Variants in GABRA2 observed in about 807,000 individuals in gnomAD.
GABRA2 encodes the protein gamma-aminobutyric acid receptor subunit alpha-2.
GABRA2 carries 16 observed loss-of-function variants against 48.7 expected under a neutral mutation model. The observed-to-expected ratio is 0.33, with a 90% CI of 0.22 to 0.50. The LOEUF (loss-of-function observed/expected upper bound fraction) is 0.50. Among genes scored for constraint, GABRA2 ranks in the 20% least tolerant of loss-of-function variants. GABRA2 has a pLI of 0.98. For missense variants in GABRA2, 275 were observed against 535.6 expected, an observed-to-expected ratio of 0.51 and a Z score of 4.80; for synonymous variants, 185 against 184.5, an observed-to-expected ratio of 1.00 and a Z score of -0.02.
chr4:46,298,136 T>C (rs371460280), intron 8 of GABRA2, among the ~76,000 whole-genome samples: 18 of 152,252 alleles, frequency 1.2e-4, no homozygotes, highest in African/African-American at 4.3e-4. Context: ...TATTGAGAAT[T>C]CCTTATAGCC....
At chr4:46,308,612 A>G (rs920752186) in intron 6 of GABRA2, among the ~76,000 whole-genome samples, 27 of 152,318 alleles carry the variant, frequency 1.8e-4, no homozygotes, top group African/African-American at 5.8e-4. Flanking sequence ...CAGAAAATAA[A>G]TGTGAAGAAA....
At position 46,263,802 on chromosome 4, in the gene GABRA2, A is replaced by C. The variant is rs140545323; in HGVS notation, c.857-1674T>G. ...CATCTTTGCAAAAAAGGTAATTGGAATTTTAATAGGCATTTCATTGAATCT... is the reference window on the plus strand; with the variant it reads ...CATCTTTGCAAAAAAGGTAATTGGACTTTTAATAGGCATTTCATTGAATCT... On this transcript the variant is annotated intron_variant, in intron 8 of 9. Transcript: ENST00000381620. Among the ~76,000 whole-genome samples the C allele has an allele frequency of 2.7e-3, 416 of 152,066 alleles. 5 individuals carry two copies. The highest frequency in any genetic ancestry group is 9.7e-3 in the African/African-American group (402 of 41,504).
intron 8 of GABRA2, among the ~76,000 whole-genome samples, chr4:46,302,993 A>G (rs1726008286): frequency 6.6e-6 from 1 of 152,130 alleles, no homozygotes; most frequent in Admixed American, 6.5e-5. Context: ...TGTAATGGTG[A>G]CTAGAACACA....
intron 8 of GABRA2, among the ~76,000 whole-genome samples, chr4:46,284,255 C>T (rs1722103604): frequency 6.6e-6 from 1 of 151,920 alleles, no homozygotes; most frequent in Non-Finnish European, 1.5e-5. Context: ...GTTCAGAAGC[C>T]ATAACTTCAC....
intron 8 of GABRA2, among the ~76,000 whole-genome samples, chr4:46,273,542 AG>A (rs1222137345): frequency 1.4e-4 from 20 of 138,828 alleles, no homozygotes; most frequent in African/African-American, 5.2e-4. Flanking sequence ...TATATGAGAG[AG>A]AGAGGGATAC....
At chr4:46,336,352 G>A (rs908075939) in intron 3 of GABRA2, among the ~76,000 whole-genome samples, 1 of 152,152 alleles carries the variant, frequency 6.6e-6, no homozygotes, top group African/African-American at 2.4e-5. Flanking sequence ...TTCCAGTGAA[G>A]TAACAAAGCT....
chr4:46,252,716 A>G (rs1480311894), intron 9 of GABRA2, among the ~76,000 whole-genome samples: 1 of 151,456 alleles, frequency 6.6e-6, no homozygotes. Flanking sequence ...GGGCTTTTCA[A>G]CTTATAATGT....
intron 3 of GABRA2, chr4:46,364,249 C>T (rs1443913132): frequency 6.6e-6 from 1 of 152,118 alleles, no homozygotes; most frequent in Non-Finnish European, 1.5e-5. Context: ...GCTTATAATG[C>T]CTATCTTACA....
Position 46,331,351 on chromosome 4 carries a change from A to G in GABRA2, c.255+1264T>C, listed in dbSNP as rs1731321309. On this transcript the variant is annotated intron_variant, in intron 4 of 9. Coordinates refer to ENST00000381620, the MANE Select transcript of GABRA2 (RefSeq NM_000807.4). ...CAAGATAAGAAATCTCTGAGGTCAG[A>G]GGTGTGGCTCTGATGGAATAAACAG... Among the ~76,000 whole-genome samples the G allele has an allele frequency of 2.6e-5, 4 of 152,274 alleles. No individual in the cohort carries two copies. In the South Asian group the frequency reaches 8.3e-4, roughly 32 times the overall value.
chr4:46,378,029 G>A (rs1187789933), intron 3 of GABRA2, among the ~76,000 whole-genome samples: 10 of 128,426 alleles, frequency 7.8e-5, no homozygotes, highest in Non-Finnish European at 3.4e-5. Flanking sequence ...GTCCGGGAGG[G>A]AGGTGGGGGG....
At chr4:46,265,989 T>A (rs896108231) in intron 8 of GABRA2, among the ~76,000 whole-genome samples, 1 of 151,960 alleles carries the variant, frequency 6.6e-6, no homozygotes, top group Admixed American at 6.6e-5. Flanking sequence ...TTGTCTTTTT[T>A]ATTGATTTCT....
chr4:46,345,996 C>T (rs923719548), intron 3 of GABRA2, among the ~76,000 whole-genome samples: 15 of 151,888 alleles, frequency 9.9e-5, no homozygotes, highest in Admixed American at 9.9e-4. Flanking sequence ...AATAATTTTG[C>T]TCATCTTGTA....
rs1379187356 is a variant in GABRA2, at chr4:46,247,300, C to G, written c.*3008G>C. Among the ~76,000 whole-genome samples the G allele has an allele frequency of 6.6e-6, 1 of 151,004 alleles. No individual in the cohort carries two copies. The highest frequency in any genetic ancestry group is 2.0e-4 in the East Asian group (1 of 5,104). ...AGAAAAGAGAAAAACAGCCACCTAT[C>G]CTAGCACACTAGTGGCATCATAGCT... On this transcript the variant is annotated 3_prime_UTR_variant, in exon 10 of 10. Coordinates refer to ENST00000381620, the MANE Select transcript of GABRA2 (RefSeq NM_000807.4).
chr4:46,287,187 A>G (rs1722715251), intron 8 of GABRA2, among the ~76,000 whole-genome samples: 1 of 152,160 alleles, frequency 6.6e-6, no homozygotes, highest in Admixed American at 6.6e-5. Context: ...TTATCTGGCT[A>G]TAACAGCATC....
intron 8 of GABRA2, among the ~76,000 whole-genome samples, chr4:46,283,278 C>T (rs1485483132): frequency 1.3e-5 from 2 of 152,036 alleles, no homozygotes; most frequent in Non-Finnish European, 2.9e-5. Context: ...AGTCTTTTAC[C>T]CTTCCTCATT....
At chr4:46,361,786 A>T (rs1713232936) in intron 3 of GABRA2, among the ~76,000 whole-genome samples, 1 of 152,242 alleles carries the variant, frequency 6.6e-6, no homozygotes, top group Non-Finnish European at 1.5e-5. Context: ...GCCCAAGGCC[A>T]TGGTAGCCCA....
At chr4:46,272,047 C>T (rs1719437098) in intron 8 of GABRA2, among the ~76,000 whole-genome samples, 1 of 151,734 alleles carries the variant, frequency 6.6e-6, no homozygotes, top group Admixed American at 6.6e-5. Context: ...TTTGTAATAA[C>T]TGAGAATACA....
In GABRA2 at chr4:46,271,987, T is replaced by C. The variant is rs577001763; in HGVS notation, c.857-9859A>G. Among the ~76,000 whole-genome samples the C allele has an allele frequency of 4.6e-5, 7 of 152,092 alleles. No individual in the cohort carries two copies. In the East Asian group the frequency reaches 1.2e-3, roughly 25 times the overall value. On this transcript the variant is annotated intron_variant, in intron 8 of 9. Coordinates refer to ENST00000381620, the MANE Select transcript of GABRA2 (RefSeq NM_000807.4). ...CTGTTTTTTATTTAGCTACCTTCTA[T>C]GTCTTTACTTAATAAATTATTATTA...
Position 46,302,197 on chromosome 4 carries a change from T to A in GABRA2, c.856+1263A>T, listed in dbSNP as rs138094034. Among the ~76,000 whole-genome samples, 6 of 152,092 alleles carry A rather than the reference T, an allele frequency of 3.9e-5. No individual in the cohort carries two copies. In the East Asian group the frequency reaches 1.2e-3, roughly 30 times the overall value. ...GATCCTCCTGCCTCAGCCTCCCAAG[T>A]AGTGGCAACTATAGGTGTGCCACCA... is the stretch of plus-strand genomic sequence containing the variant. On this transcript the variant is annotated intron_variant, in intron 8 of 9. Coordinates refer to ENST00000381620, the MANE Select transcript of GABRA2 (RefSeq NM_000807.4).
Sources: allele counts gnomAD v4.1 joint callset (sites outside exome capture counted in the v4.1 genomes callset), GRCh38; gene constraint gnomAD v4.1.1; transcripts MANE v1.5; gene names NCBI Gene and HGNC (gene_info 2026-07-23, HGNC 2026-07-21).